Variants in ZNF540 observed in about 807,000 individuals in gnomAD.
ZNF540 encodes the protein zinc finger protein 540, also known as CTD-3064H18.6.
Under a neutral mutation model 11.8 loss-of-function variants are expected in ZNF540, and 3 were observed. That is an observed-to-expected ratio of 0.25 (90% CI 0.12 to 0.65). The LOEUF is 0.65. Among genes scored for constraint, ZNF540 ranks in the 30% least tolerant of loss-of-function variants. ZNF540 has a pLI of 0.83. For missense variants in ZNF540, 709 were observed against 793.1 expected (o/e 0.89, Z 1.27); for synonymous variants, 247 against 259.0 (o/e 0.95, Z 0.45).
chr19:37,565,167 A>G lies in ZNF540; in HGVS notation c.-73+13502A>G, dbSNP rs147700985. ...ATAAAGGCCTTTCCACATTCCTTAC[A>G]TTTGTAGGGCTTCTCTCCGGTATGA... On this transcript the variant is annotated intron_variant, in intron 1 of 4. Transcript: ENST00000592533. 4 of 1,613,444 alleles carry G rather than the reference A, an allele frequency of 2.5e-6. No homozygotes were observed. In the African/African-American group the frequency reaches 5.3e-5, roughly 22 times the overall value.
intron 1 of ZNF540, chr19:37,565,671 A>G: frequency 6.2e-7 from 1 of 1,613,554 alleles, no homozygotes; most frequent in Non-Finnish European, 8.5e-7. Context: ...CATTTCTTAC[A>G]TTCATATGGT....
At chr19:37,592,564 T>G (rs1179744805), upstream of ZNF540, among the ~76,000 whole-genome samples, 1 of 152,072 alleles carries the variant, frequency 6.6e-6, no homozygotes, top group African/African-American at 2.4e-5. Context: ...AATGCATGCT[T>G]TAGGTGAAAA....
At position 37,612,297 on chromosome 19, in the gene ZNF540, C is replaced by T. The variant is rs372731444; in HGVS notation, c.1017C>T (p.Cys339=). The change falls in exon 5 of 5, where the codon TGC becomes TGT. Residue 339 remains cysteine, a synonymous_variant. Transcript: ENST00000316433. ...AGTGTGGGAAAGCTTTTAGTGTATG[C>T]GGACAACTTACCCGTCATCAGAAAA... is the stretch of plus-strand genomic sequence containing the variant. ...CKECGKAFSV[C]GQLTRHQKIH... is the part of the protein sequence containing the mutation. 4.7e-5 allele frequency: 76 copies of T among 1,613,284 alleles called. No homozygotes were observed. Among genetic ancestry groups the T allele is most frequent in the African/African-American group, 1.1e-4 (8 of 74,644 alleles).
upstream of ZNF540, among the ~76,000 whole-genome samples, chr19:37,593,313 C>A (rs756555725): frequency 1.8e-4 from 27 of 152,030 alleles, no homozygotes; most frequent in Non-Finnish European, 3.1e-4. Context: ...TGTTGGGGTT[C>A]GTATTATTCT....
chr19:37,574,676 C>A (rs1471648100), intron 1 of ZNF540, among the ~76,000 whole-genome samples: 1 of 152,140 alleles, frequency 6.6e-6, no homozygotes, highest in Non-Finnish European at 1.5e-5. Context: ...AAACATAGCA[C>A]CAGTTTTAGT....
At chr19:37,574,977 CT>C (rs2043193609) in intron 1 of ZNF540, among the ~76,000 whole-genome samples, 3 of 152,184 alleles carry the variant, frequency 2.0e-5, no homozygotes, top group Admixed American at 2.0e-4. Context: ...TTACCCAATC[CT>C]TTACATTTTC....
intron 1 of ZNF540, among the ~76,000 whole-genome samples, chr19:37,579,972 A>G (rs1443315587): frequency 6.6e-6 from 1 of 152,238 alleles, no homozygotes; most frequent in Non-Finnish European, 1.5e-5. Context: ...TGGAAAAAAA[A>G]GAACCATTTG....
chr19:37,604,376 C>CG (rs2044066165), intron 4 of ZNF540, among the ~76,000 whole-genome samples: 2 of 132,430 alleles, frequency 1.5e-5, no homozygotes, highest in Admixed American at 8.9e-5. Flanking sequence ...GGTGCGATCT[C>CG]GGCTCACTAC....
chr19:37,559,215 T>C (rs1006382599), intron 1 of ZNF540, among the ~76,000 whole-genome samples: 1 of 152,220 alleles, frequency 6.6e-6, no homozygotes, highest in African/African-American at 2.4e-5. Flanking sequence ...AAGCTCATGT[T>C]TTTTGACACT....
At position 37,555,154 on chromosome 19, in the gene ZNF540, C is replaced by G. The variant is rs972627555; in HGVS notation, c.-73+3489C>G. ...TGCACAAGTTAAGTCCTTGAGGAAGCGGCTGCCAGTGAAAGAGCCAAGATG... is the reference window on the plus strand; with the variant it reads ...TGCACAAGTTAAGTCCTTGAGGAAGGGGCTGCCAGTGAAAGAGCCAAGATG... On this transcript the variant is annotated intron_variant, in intron 1 of 4. Coordinates refer to the ZNF540 transcript ENST00000592533. 10 of 152,204 alleles carry G rather than the reference C, an allele frequency of 6.6e-5. No homozygotes were observed. In the East Asian group the frequency reaches 1.9e-3, roughly 29 times the overall value. The allele number at this position is 152,204 out of a possible 1,614,324, so 9.4% of individuals were successfully genotyped here.
intron 1 of ZNF540, chr19:37,564,935 C>T: frequency 1.9e-6 from 3 of 1,613,950 alleles, no homozygotes; most frequent in South Asian, 1.1e-5. Context: ...GGGCTTTTCA[C>T]CTGTATGAAT....
rs763025824 is a variant in ZNF540 at position 37,611,801 on chromosome 19, A to AAG, written c.521_522insAG (p.His174GlnfsTer9). On this transcript the variant is annotated frameshift_variant, in exon 5 of 5. Transcript: ENST00000316433. LOFTEE classifies it low-confidence loss of function (END_TRUNC). ...AATAGTGAGAAAAGCTGTGACTCAC[A>AAG]CTTGGTTCAACATGGGAAAATAGAT... 6 of 1,614,054 alleles carry AAG rather than the reference A, an allele frequency of 3.7e-6. No individual in the cohort carries two copies. Among genetic ancestry groups the AAG allele is most frequent in the Non-Finnish European group, 5.1e-6 (6 of 1,179,974 alleles).
intron 1 of ZNF540, chr19:37,595,314 G>A (rs755471820): frequency 2.0e-5 from 3 of 152,322 alleles, no homozygotes; most frequent in Non-Finnish European, 4.4e-5. Flanking sequence ...GATTATGCTT[G>A]AGGCTATTAG....
chr19:37,576,993 C>T (rs998563774), intron 1 of ZNF540, among the ~76,000 whole-genome samples: 1 of 152,192 alleles, frequency 6.6e-6, no homozygotes, highest in East Asian at 1.9e-4. Flanking sequence ...TCTGCAAAAC[C>T]TTAAAAGGTA....
intron 1 of ZNF540, chr19:37,563,504 TACACAC>T (rs1055762723): frequency 6.6e-6 from 1 of 151,996 alleles, no homozygotes; most frequent in South Asian, 2.1e-4. Context: ...ATATATTTTA[TACACAC>T]ACACATATAC....
Position 37,599,584 on chromosome 19 carries a change from G to A in ZNF540, c.10-42G>A, listed in dbSNP as rs375938691. On this transcript the variant is annotated intron_variant, in intron 2 of 4. Coordinates refer to ENST00000316433, the MANE Select transcript of ZNF540 (RefSeq NM_001172225.3). ...TCCTTTTCTTCTTTTTAAAATACTT[G>A]TTCTGTAATTTCACCAGTAATATGT... is the stretch of plus-strand genomic sequence containing the variant. 5.6e-6 allele frequency: 9 copies of A among 1,612,574 alleles called. No homozygotes were observed. In the African/African-American group the frequency reaches 1.1e-4, roughly 19 times the overall value.
chr19:37,561,486 A>T (rs2042717192), intron 1 of ZNF540, among the ~76,000 whole-genome samples: 1 of 152,220 alleles, frequency 6.6e-6, no homozygotes. Context: ...AGCATACAGA[A>T]GAGAAAGGAT....
intron 1 of ZNF540, among the ~76,000 whole-genome samples, chr19:37,558,610 G>A (rs1007198286): frequency 1.3e-5 from 2 of 152,064 alleles, no homozygotes; most frequent in South Asian, 2.1e-4. Context: ...CAATTAGGCC[G>A]GGTAGAGAGA....
At chr19:37,580,280 A>G (rs769437122) in intron 1 of ZNF540, among the ~76,000 whole-genome samples, 45 of 152,378 alleles carry the variant, frequency 3.0e-4, no homozygotes, top group Non-Finnish European at 5.0e-4. Flanking sequence ...CATGATATAT[A>G]CTGTGCTACA....
Sources: gnomAD v4.1 joint callset for allele counts (sites outside exome capture counted in the v4.1 genomes callset) on GRCh38, gnomAD v4.1.1 for gene constraint, MANE v1.5 for transcripts, NCBI Gene and HGNC (gene_info 2026-07-23, HGNC 2026-07-21) for gene names.